The following SEC63 variants were observed in gnomAD, a reference collection of about 807,000 sequenced individuals.
The protein encoded by SEC63 is SEC63 protein translocation regulator, also known as translocation protein SEC63 homolog.
Under a neutral mutation model 116.2 loss-of-function variants are expected in SEC63, and 56 were observed. That is an observed-to-expected ratio of 0.48 (90% CI 0.39 to 0.60). The LOEUF is 0.60. Among genes scored for constraint, SEC63 ranks in the 20% least tolerant of loss-of-function variants. The pLI, the probability that SEC63 is intolerant of heterozygous loss-of-function variation, is 0.00. For missense variants in SEC63, 668 were observed against 900.0 expected (o/e 0.74, Z 3.30); for synonymous variants, 273 against 294.6 (o/e 0.93, Z 0.75).
intron 3 of SEC63, among the ~76,000 whole-genome samples, chr6:107,923,046 A>C (rs1367331308): frequency 1.3e-5 from 2 of 152,172 alleles, no homozygotes; most frequent in South Asian, 2.1e-4. Flanking sequence ...TATTCAGGGC[A>C]ACTTGAATAT....
At chr6:107,890,173 A>G (rs1035162426) in intron 16 of SEC63, among the ~76,000 whole-genome samples, 6 of 125,704 alleles carry the variant, frequency 4.8e-5, no homozygotes, top group South Asian at 2.3e-4. Flanking sequence ...TGGGGTGTTA[A>G]AGTCTCCCAC....
chr6:107,878,019 T>C (rs1786320568), intron 18 of SEC63, among the ~76,000 whole-genome samples: 2 of 152,192 alleles, frequency 1.3e-5, no homozygotes, highest in Admixed American at 6.5e-5. Context: ...TGTGTGTAAA[T>C]ACATAACAGC....
chr6:107,890,107 C>T (rs1362793477), intron 16 of SEC63, among the ~76,000 whole-genome samples: 1 of 152,146 alleles, frequency 6.6e-6, no homozygotes, highest in Admixed American at 6.5e-5. Flanking sequence ...CCGCTTGGTC[C>T]AGAGCTGAGT....
At chr6:107,875,521 A>G (rs1786242374) in intron 19 of SEC63, among the ~76,000 whole-genome samples, 1 of 152,116 alleles carries the variant, frequency 6.6e-6, no homozygotes, top group Non-Finnish European at 1.5e-5. Flanking sequence ...ACATGGGTAA[A>G]CCCTGTCTCT....
At chr6:107,893,685 G>A in intron 15 of SEC63, 30 bp from the exon 16 acceptor site, 1 of 1,612,630 alleles carries the variant, frequency 6.2e-7, no homozygotes, top group Non-Finnish European at 8.5e-7. Flanking sequence ...ACACTCTTAA[G>A]TTATAGCAAC....
intron 8 of SEC63, among the ~76,000 whole-genome samples, chr6:107,908,181 T>C (rs1476644934): frequency 2.0e-5 from 3 of 152,122 alleles, no homozygotes; most frequent in African/African-American, 7.2e-5. Flanking sequence ...GGAGACACAA[T>C]TCAAAACTTA....
intron 4 of SEC63, among the ~76,000 whole-genome samples, chr6:107,920,286 C>T (rs1025822580): frequency 2.6e-5 from 4 of 151,788 alleles, no homozygotes; most frequent in African/African-American, 4.8e-5. Flanking sequence ...ATTAGCCGGG[C>T]GTGGTGGCAG....
Position 107,872,921 on chromosome 6 carries a change from TA to T in SEC63, c.2035-10del. On this transcript the variant is annotated splice_polypyrimidine_tract_variant and intron_variant, in intron 19 of 20. Coordinates refer to ENST00000369002, the MANE Select transcript of SEC63 (RefSeq NM_007214.5). ...GGAAACTTCAGCTCTACCTAGAAGATAAAATCAGCACTTAAAAATCTGTATT... is the reference window on the plus strand; with the variant it reads ...GGAAACTTCAGCTCTACCTAGAAGATAAATCAGCACTTAAAAATCTGTATT... The T allele has an allele frequency of 6.6e-7, 1 of 1,506,194 alleles. No homozygotes were observed. The highest frequency in any genetic ancestry group is 9.0e-7 in the Non-Finnish European group (1 of 1,105,380). 93.3% of individuals were successfully genotyped at this position (1,506,194 alleles called of 1,614,324 possible).
intron 1 of SEC63, chr6:107,932,181 A>C (rs1172489748): frequency 6.4e-6 from 1 of 156,784 alleles, no homozygotes; most frequent in African/African-American, 2.4e-5. Flanking sequence ...TGATGGAGAG[A>C]AGAAGGTGTA....
Position 107,940,407 on chromosome 6 carries a change from G to C in SEC63, c.125-10893C>G, listed in dbSNP as rs373159091. The stretch of plus-strand genomic sequence containing the variant: ...TTATGGTACTGAAATAAGTACTACA[G>C]AGCAGGGCTTTTCAACATCAGCACT... On this transcript the variant is annotated intron_variant, in intron 1 of 20. Coordinates refer to ENST00000369002, the MANE Select transcript of SEC63 (RefSeq NM_007214.5). Among the ~76,000 whole-genome samples the C allele has an allele frequency of 5.3e-5, 8 of 152,182 alleles. No individual in the cohort carries two copies. In the East Asian group the frequency reaches 1.5e-3, roughly 29 times the overall value.
rs1770721302 is a variant in SEC63 at position 107,956,797 on chromosome 6, T to C, written c.124+1089A>G. ...GAAAGTATAACAAGTTCTGAGCTGA[T>C]TCAAGGCTTCACTGTTAACAACTTC... On this transcript the variant is annotated intron_variant, in intron 1 of 20. Transcript: ENST00000369002. Among the ~76,000 whole-genome samples, 4 of 152,310 alleles carry C rather than the reference T, an allele frequency of 2.6e-5. No individual in the cohort carries two copies. The East Asian group carries it at 7.7e-4, about 29-fold the overall frequency.
rs182321905 is a variant in SEC63 at position 107,937,042 on chromosome 6, C to G, written c.125-7528G>C. 2.9e-3 allele frequency among the ~76,000 whole-genome samples: 445 copies of G among 152,078 alleles called. 3 individuals are homozygous for G. The highest frequency in any genetic ancestry group is 0.01 in the African/African-American group (423 of 41,468). On this transcript the variant is annotated intron_variant, in intron 1 of 20. Transcript: ENST00000369002. ...GCATTAATTCACTTAGAATAATACC[C>G]TCCAGCTGCATTTATGTGCTATAAA...
At chr6:107,914,349 A>G (rs143031623) in intron 4 of SEC63, among the ~76,000 whole-genome samples, 1 of 152,326 alleles carries the variant, frequency 6.6e-6, no homozygotes, top group East Asian at 1.9e-4. Flanking sequence ...ATCTAATTTT[A>G]ACCGTACTTC....
chr6:107,894,718 C>CAT (rs932330630), intron 14 of SEC63, among the ~76,000 whole-genome samples: 7 of 150,974 alleles, frequency 4.6e-5, no homozygotes, highest in Admixed American at 1.3e-4. Context: ...AGGCTCTATA[C>CAT]AATAAAAACA....
chr6:107,953,761 C>A (rs1419628762), intron 1 of SEC63, among the ~76,000 whole-genome samples: 3 of 140,394 alleles, frequency 2.1e-5, no homozygotes, highest in Non-Finnish European at 3.1e-5. Flanking sequence ...TTCAGCCCCC[C>A]GCCCGGCCAG....
intron 13 of SEC63, among the ~76,000 whole-genome samples, chr6:107,899,034 A>G (rs1786933565): frequency 2.0e-5 from 3 of 152,088 alleles, no homozygotes; most frequent in Admixed American, 2.0e-4. Context: ...ATTCATCTAC[A>G]TTTTTCATTT....
At chr6:107,892,769 CA>C (rs1786713790) in intron 16 of SEC63, among the ~76,000 whole-genome samples, 1 of 152,006 alleles carries the variant, frequency 6.6e-6, no homozygotes, top group Non-Finnish European at 1.5e-5. Context: ...TAAATGCAAA[CA>C]AAAACCACAT....
chr6:107,884,127 GGGCAT>G (rs1786475471), intron 16 of SEC63, among the ~76,000 whole-genome samples: 1 of 150,844 alleles, frequency 6.6e-6, no homozygotes, highest in African/African-American at 2.4e-5. Flanking sequence ...AAAAATAGCT[GGGCAT>G]GGTGGCACAT....
In SEC63 at chr6:107,930,694, G is replaced by A. The variant is rs142991751; in HGVS notation, c.125-1180C>T. On this transcript the variant is annotated intron_variant, in intron 1 of 20. Coordinates refer to ENST00000369002, the MANE Select transcript of SEC63 (RefSeq NM_007214.5). ...TAAGCTGGAAAAGTCTCCTAAACCC[G>A]TAAAACTTAGGTTTATGGGGTCAGG... 2.3e-3 allele frequency among the ~76,000 whole-genome samples: 342 copies of A among 151,522 alleles called. 2 individuals carry two copies. Among genetic ancestry groups the A allele is most frequent in the African/African-American group, 7.8e-3 (323 of 41,316 alleles).
Sources: allele counts gnomAD v4.1 joint callset (sites outside exome capture counted in the v4.1 genomes callset), GRCh38; gene constraint gnomAD v4.1.1; transcripts MANE v1.5; gene names NCBI Gene and HGNC (gene_info 2026-07-23, HGNC 2026-07-21).